Variants in GGACT observed in about 807,000 individuals in gnomAD.
The protein encoded by GGACT is gamma-glutamylaminecyclotransferase.
For synonymous variants in GGACT, 118 were observed against 115.3 expected (o/e 1.02, Z -0.15); for missense variants, 241 against 233.2 (o/e 1.03, Z -0.22).
chr13:100,571,936 C>T (rs899531943), intron 2 of GGACT, among the ~76,000 whole-genome samples: 2 of 151,926 alleles, frequency 1.3e-5, no homozygotes, highest in Admixed American at 6.6e-5. Context: ...AAGTCTTAAC[C>T]TTTTTTAACT....
At chr13:100,586,322 A>C (rs1459386181) in intron 1 of GGACT, among the ~76,000 whole-genome samples, 2 of 152,236 alleles carry the variant, frequency 1.3e-5, no homozygotes, top group Admixed American at 1.3e-4. Flanking sequence ...AGACTTGTGA[A>C]GTCCATTTGA....
rs117521984 is a variant in GGACT, at chr13:100,561,614, G to A, written c.-11+22211C>T. ...GGCTAAACACCCAGCAAGTGGTACT[G>A]GTTCCCTTCTCAGATCAAGAGAATG... On this transcript the variant is annotated intron_variant, in intron 2 of 2. Coordinates refer to ENST00000683975, the MANE Select transcript of GGACT (RefSeq NM_001195087.2). 6.0e-3 allele frequency among the ~76,000 whole-genome samples: 920 copies of A among 152,294 alleles called. 6 individuals carry two copies. The highest frequency in any genetic ancestry group is 9.6e-3 in the Non-Finnish European group (651 of 68,018).
intron 2 of GGACT, among the ~76,000 whole-genome samples, chr13:100,554,756 G>A (rs965144466): frequency 2.9e-4 from 44 of 152,254 alleles, no homozygotes; most frequent in Admixed American, 6.5e-4. Flanking sequence ...GCAAAGGCTC[G>A]ATAGTTATTG....
At chr13:100,544,780 T>G (rs1416738090) in intron 2 of GGACT, among the ~76,000 whole-genome samples, 1 of 152,246 alleles carries the variant, frequency 6.6e-6, no homozygotes, top group African/African-American at 2.4e-5. Flanking sequence ...TGTTGCCACC[T>G]TTAAAATGTT....
intron 2 of GGACT, chr13:100,533,170 CCAT>C (rs1555332857): frequency 6.3e-6 from 1 of 159,454 alleles, no homozygotes; most frequent in Non-Finnish European, 1.4e-5. Flanking sequence ...ACTCCTACCC[CCAT>C]CGTAGCAGCT....
Position 100,563,232 on chromosome 13 carries a change from A to G in GGACT, c.-11+20593T>C, listed in dbSNP as rs79133670. On this transcript the variant is annotated intron_variant, in intron 2 of 2. Coordinates refer to ENST00000683975, the MANE Select transcript of GGACT (RefSeq NM_001195087.2). Reference sequence around the variant, plus strand: ...CAGAGGGGCCAGACACATGGGGCACATGTGACATGCATCCACTGATCCAGA... The same window carrying G: ...CAGAGGGGCCAGACACATGGGGCACGTGTGACATGCATCCACTGATCCAGA... 9.5e-3 allele frequency among the ~76,000 whole-genome samples: 1,446 copies of G among 152,294 alleles called. 24 individuals are homozygous for G. The highest frequency in any genetic ancestry group is 0.033 in the African/African-American group (1,366 of 41,566).
intron 2 of GGACT, chr13:100,537,487 G>A (rs1483821795): frequency 2.6e-5 from 4 of 152,398 alleles, no homozygotes; most frequent in South Asian, 2.1e-4. Flanking sequence ...GGAAAGACGA[G>A]GCAGCACTTG....
intron 1 of GGACT, among the ~76,000 whole-genome samples, chr13:100,584,807 T>G (rs1875517018): frequency 6.6e-6 from 1 of 152,044 alleles, no homozygotes; most frequent in Non-Finnish European, 1.5e-5. Flanking sequence ...AAGAACTATT[T>G]GAGAAATAAC....
chr13:100,560,600 G>A (rs2088751304), intron 2 of GGACT, among the ~76,000 whole-genome samples: 8 of 152,240 alleles, frequency 5.3e-5, no homozygotes, highest in South Asian at 4.1e-4. Context: ...CGCTGGGAAC[G>A]TGCCCTGTGG....
intron 2 of GGACT, chr13:100,536,641 G>A (rs2088496771): frequency 6.6e-6 from 1 of 151,830 alleles, no homozygotes; most frequent in East Asian, 1.9e-4. Context: ...TGTTTCAAGA[G>A]ATTTTCTTCA....
rs1290076312 is a variant in GGACT at position 100,545,430 on chromosome 13, T to C, written c.-10-12829A>G. ...CCTGACCTCCACGTCCCAGGGCCCC[T>C]GGAGGAGGGCACCCCCTCACTGCCC... is the stretch of plus-strand genomic sequence containing the variant. On this transcript the variant is annotated intron_variant, in intron 2 of 2. Transcript: ENST00000683975. The surrounding 1 kb of genome is among the most constrained non-coding windows in gnomAD (Gnocchi z 4.4). 1.3e-5 allele frequency among the ~76,000 whole-genome samples: 2 copies of C among 152,030 alleles called. No homozygotes were observed. The highest frequency in any genetic ancestry group is 2.4e-5 in the African/African-American group (1 of 41,406).
At chr13:100,550,588 T>C (rs1335864356) in intron 2 of GGACT, among the ~76,000 whole-genome samples, 1 of 152,162 alleles carries the variant, frequency 6.6e-6, no homozygotes, top group Non-Finnish European at 1.5e-5. Flanking sequence ...CCCAGGACCC[T>C]AGACATTATT....
chr13:100,559,660 A>T (rs11069402), intron 2 of GGACT, among the ~76,000 whole-genome samples: 79,557 of 151,158 alleles, frequency 0.53, 21,157 homozygotes, highest in South Asian at 0.73. Context: ...ACACCTGGCT[A>T]ATTTTTGTAT....
At chr13:100,560,858 G>A (rs1295033413) in intron 2 of GGACT, among the ~76,000 whole-genome samples, 1 of 152,242 alleles carries the variant, frequency 6.6e-6, no homozygotes, top group African/African-American at 2.4e-5. Context: ...CAGGACACAT[G>A]CTCTAGCAAG....
intron 2 of GGACT, among the ~76,000 whole-genome samples, chr13:100,582,197 T>G (rs1875440136): frequency 6.6e-6 from 1 of 152,198 alleles, no homozygotes; most frequent in South Asian, 2.1e-4. Context: ...CCAGGGCTCC[T>G]TGGAGAAACA....
intron 2 of GGACT, among the ~76,000 whole-genome samples, chr13:100,544,265 G>A (rs1455807364): frequency 2.0e-5 from 3 of 152,192 alleles, no homozygotes; most frequent in African/African-American, 7.2e-5. Context: ...TAGGAAACAG[G>A]TGAAAAAACA....
At position 100,531,929 on chromosome 13, in the gene GGACT, CAGGTAGAA is replaced by C. The variant is rs1181413067; in HGVS notation, c.*193_*200del. On this transcript the variant is annotated 3_prime_UTR_variant, in exon 3 of 3. Transcript: ENST00000683975. ...AGTTAAAATCCTAAATTTTTCTTAC[CAGGTAGAA>C]AGATGGGAGGGAAGCACCTTGCTAT... is the stretch of plus-strand genomic sequence containing the variant. 1 of 424,420 alleles carries C rather than the reference CAGGTAGAA, an allele frequency of 2.4e-6. No homozygotes were observed. The highest frequency in any genetic ancestry group is 4.1e-6 in the Non-Finnish European group (1 of 242,810). The allele number at this position is 424,420 out of a possible 1,614,324, so 26.3% of individuals were successfully genotyped here.
intron 2 of GGACT, chr13:100,533,630 C>G (rs541742093): frequency 6.6e-6 from 1 of 152,232 alleles, no homozygotes. Context: ...GGCAGTCTGA[C>G]GCAGCGGAGC....
At chr13:100,532,871 A>G (rs1373203150) in intron 2 of GGACT, among the ~76,000 whole-genome samples, 1 of 152,226 alleles carries the variant, frequency 6.6e-6, no homozygotes, top group African/African-American at 2.4e-5. Context: ...GGTCGGCTCT[A>G]ACCTGTGGGC....
Sources: gnomAD v4.1 joint callset for allele counts (sites outside exome capture counted in the v4.1 genomes callset) on GRCh38, gnomAD v4.1.1 for gene constraint, Gnocchi (gnomAD v3.1) non-coding constraint, MANE v1.5 for transcripts, NCBI Gene and HGNC (gene_info 2026-07-23, HGNC 2026-07-21) for gene names.